ST6GALNAC5: variants seen among roughly 807,000 people sequenced by gnomAD.
ST6GALNAC5 encodes the protein alpha-N-acetylgalactosaminide alpha-2,6-sialyltransferase 5.
ST6GALNAC5 carries 27 observed loss-of-function variants against 33.6 expected under a neutral mutation model. The observed-to-expected ratio is 0.80, with a 90% CI of 0.59 to 1.11. The LOEUF is 1.11. ST6GALNAC5 is among the 50% of genes least tolerant of loss of function. ST6GALNAC5 has a pLI of 0.00. For synonymous variants in ST6GALNAC5, 194 were observed against 171.2 expected (o/e 1.13, Z -1.04); for missense variants, 428 against 454.0 (o/e 0.94, Z 0.52).
chr1:77,017,835 A>G (rs1368189341), intron 2 of ST6GALNAC5, among the ~76,000 whole-genome samples: 1 of 152,230 alleles, frequency 6.6e-6, no homozygotes, highest in Non-Finnish European at 1.5e-5. Flanking sequence ...TATTACAGAG[A>G]TAATATGTAA....
At chr1:76,922,302 C>CA (rs952408722) in intron 2 of ST6GALNAC5, among the ~76,000 whole-genome samples, 1 of 151,906 alleles carries the variant, frequency 6.6e-6, no homozygotes, top group African/African-American at 2.4e-5. Flanking sequence ...ATAAACCTAA[C>CA]AAAAAAATGT....
At chr1:76,991,498 T>C (rs2100396189) in intron 2 of ST6GALNAC5, among the ~76,000 whole-genome samples, 1 of 152,304 alleles carries the variant, frequency 6.6e-6, no homozygotes, top group East Asian at 1.9e-4. Flanking sequence ...TTATCCTAAA[T>C]CCCCTGACCA....
chr1:76,889,122 T>C (rs1315871068), intron 2 of ST6GALNAC5, among the ~76,000 whole-genome samples: 1 of 152,126 alleles, frequency 6.6e-6, no homozygotes. Context: ...GTTCAATTTT[T>C]TTAGATTCCA....
chr1:76,875,424 G>T (rs929373877), intron 2 of ST6GALNAC5, among the ~76,000 whole-genome samples: 1 of 152,138 alleles, frequency 6.6e-6, no homozygotes, highest in African/African-American at 2.4e-5. Context: ...TACCTCCGTT[G>T]TGGAGTAGTG....
chr1:76,899,634 T>A (rs1344506667), intron 2 of ST6GALNAC5, among the ~76,000 whole-genome samples: 2 of 152,170 alleles, frequency 1.3e-5, no homozygotes, highest in Non-Finnish European at 2.9e-5. Context: ...AAGGGACGGC[T>A]GCCTTCCCTA....
intron 2 of ST6GALNAC5, among the ~76,000 whole-genome samples, chr1:76,984,460 A>G (rs1255188033): frequency 6.6e-6 from 1 of 152,176 alleles, no homozygotes; most frequent in Non-Finnish European, 1.5e-5. Context: ...CCAAGACTAA[A>G]CTAGGAAGAA....
chr1:77,007,964 G>A (rs1208593863), intron 2 of ST6GALNAC5, among the ~76,000 whole-genome samples: 1 of 152,220 alleles, frequency 6.6e-6, no homozygotes, highest in East Asian at 1.9e-4. Flanking sequence ...GAGCAGTGAT[G>A]GATGGCTACA....
intron 2 of ST6GALNAC5, among the ~76,000 whole-genome samples, chr1:76,886,339 T>C (rs1299323784): frequency 6.6e-6 from 1 of 152,196 alleles, no homozygotes; most frequent in Non-Finnish European, 1.5e-5. Context: ...TCTGAGCTAC[T>C]CTTTACTGCT....
At chr1:77,039,372 C>T (rs887522197) in intron 2 of ST6GALNAC5, among the ~76,000 whole-genome samples, 4 of 152,242 alleles carry the variant, frequency 2.6e-5, no homozygotes, top group Non-Finnish European at 5.9e-5. Flanking sequence ...GTGCCCTGGA[C>T]TCTGGTCATT....
At chr1:77,057,828 G>A (rs960500902) in intron 4 of ST6GALNAC5, among the ~76,000 whole-genome samples, 5 of 152,142 alleles carry the variant, frequency 3.3e-5, no homozygotes, top group Admixed American at 2.0e-4. Flanking sequence ...AAATGGAAGT[G>A]TCTTCCCTTG....
intron 2 of ST6GALNAC5, among the ~76,000 whole-genome samples, chr1:76,964,058 T>C (rs1353596493): frequency 6.6e-6 from 1 of 152,164 alleles, no homozygotes; most frequent in Non-Finnish European, 1.5e-5. Context: ...GGATTATTTT[T>C]TGGAGTCTTC....
At chr1:77,000,247 A>G (rs1262502816) in intron 2 of ST6GALNAC5, among the ~76,000 whole-genome samples, 6 of 114,808 alleles carry the variant, frequency 5.2e-5, no homozygotes, top group East Asian at 3.0e-4. Flanking sequence ...GCCAGTGATG[A>G]TGAGCATTTT....
chr1:77,034,301 G>A (rs797014717), intron 2 of ST6GALNAC5, among the ~76,000 whole-genome samples: 1 of 151,480 alleles, frequency 6.6e-6, no homozygotes, highest in African/African-American at 2.4e-5. Flanking sequence ...CTGTCATCAC[G>A]TGGTGCTCTC....
At chr1:77,060,072 G>C (rs986443374) in intron 4 of ST6GALNAC5, 2 of 151,978 alleles carry the variant, frequency 1.3e-5, no homozygotes, top group East Asian at 3.9e-4. Flanking sequence ...CTAAATGTTA[G>C]TTCCCTCACT....
intron 2 of ST6GALNAC5, among the ~76,000 whole-genome samples, chr1:76,869,630 T>C (rs1653451681): frequency 6.6e-6 from 1 of 152,234 alleles, no homozygotes. Context: ...TTTTACTAAA[T>C]TTTGTGGTTG....
At chr1:77,004,404 C>T (rs1186374105) in intron 2 of ST6GALNAC5, among the ~76,000 whole-genome samples, 1 of 141,350 alleles carries the variant, frequency 7.1e-6, no homozygotes, top group African/African-American at 2.6e-5. Flanking sequence ...TAAATTTTTT[C>T]AAAGTTTTCA....
At chr1:76,968,648 A>C (rs191555437) in intron 2 of ST6GALNAC5, among the ~76,000 whole-genome samples, 1 of 152,272 alleles carries the variant, frequency 6.6e-6, no homozygotes, top group South Asian at 2.1e-4. Context: ...TATTTTGCCC[A>C]TTAGTTGATG....
chr1:76,884,590 T>C (rs1653852079), intron 2 of ST6GALNAC5, among the ~76,000 whole-genome samples: 1 of 152,104 alleles, frequency 6.6e-6, no homozygotes, highest in South Asian at 2.1e-4. Flanking sequence ...GATATTATAA[T>C]TAGAACCAGA....
At chr1:77,061,424 T>A (rs1007773137) in intron 4 of ST6GALNAC5, among the ~76,000 whole-genome samples, 1 of 152,194 alleles carries the variant, frequency 6.6e-6, no homozygotes, top group African/African-American at 2.4e-5. Flanking sequence ...TGTATTGATC[T>A]CCTCTGAAGA....
Sources: allele counts gnomAD v4.1 joint callset (sites outside exome capture counted in the v4.1 genomes callset), GRCh38; gene constraint gnomAD v4.1.1; transcripts MANE v1.5; gene names NCBI Gene and HGNC (gene_info 2026-07-23, HGNC 2026-07-21).